The following PTPRT variants were observed in gnomAD, a reference collection of about 807,000 sequenced individuals.
The protein encoded by PTPRT is protein tyrosine phosphatase receptor type T.
A neutral mutation model predicts 176.8 loss-of-function variants in PTPRT; 56 were observed. That is an observed-to-expected ratio of 0.32 (90% CI 0.26 to 0.40). The LOEUF is 0.40. PTPRT is among the 10% of genes least tolerant of loss of function. PTPRT has a pLI of 1.00. For missense variants in PTPRT, 1,540 were observed against 1,908.2 expected, an observed-to-expected ratio of 0.81 and a Z score of 3.60; for synonymous variants, 783 against 739.0, an observed-to-expected ratio of 1.06 and a Z score of -0.96.
intron 1 of PTPRT, among the ~76,000 whole-genome samples, chr20:42,908,189 T>C (rs206663): frequency 0.082 from 12,466 of 151,938 alleles, 1,495 homozygotes; most frequent in African/African-American, 0.26. Flanking sequence ...GACACTGATG[T>C]CCAGCCCACG....
At chr20:42,651,158 T>A (rs2075023235) in intron 7 of PTPRT, among the ~76,000 whole-genome samples, 1 of 152,166 alleles carries the variant, frequency 6.6e-6, no homozygotes, top group Admixed American at 6.5e-5. Context: ...GAATTTGGTA[T>A]ATATTATTGT....
intron 1 of PTPRT, among the ~76,000 whole-genome samples, chr20:42,973,381 TGTCACCTC>T (rs1982767618): frequency 6.6e-6 from 1 of 152,168 alleles, no homozygotes; most frequent in Admixed American, 6.6e-5. Flanking sequence ...TCAGCTCAAA[TGTCACCTC>T]CCCAGAGGAA....
At chr20:42,193,140 A>G (rs1355683772) in intron 16 of PTPRT, among the ~76,000 whole-genome samples, 1 of 152,254 alleles carries the variant, frequency 6.6e-6, no homozygotes, top group African/African-American at 2.4e-5. Context: ...TATGACTTCA[A>G]GAAGATCTTT....
At chr20:42,439,127 G>A (rs946341076) in intron 9 of PTPRT, among the ~76,000 whole-genome samples, 1 of 152,190 alleles carries the variant, frequency 6.6e-6, no homozygotes, top group African/African-American at 2.4e-5. Flanking sequence ...CATTTTTCAA[G>A]TTTCTGGAGG....
chr20:42,476,130 G>C (rs66783845), intron 7 of PTPRT, among the ~76,000 whole-genome samples: 44,228 of 152,136 alleles, frequency 0.29, 6,592 homozygotes, highest in East Asian at 0.43. Context: ...ACTGTAAAGA[G>C]AGAGAAAATT....
chr20:42,476,466 G>A (rs1238701893), intron 7 of PTPRT, among the ~76,000 whole-genome samples: 3 of 152,158 alleles, frequency 2.0e-5, no homozygotes, highest in Non-Finnish European at 2.9e-5. Context: ...GGTTGAGGTC[G>A]GCATGCCTTG....
intron 7 of PTPRT, among the ~76,000 whole-genome samples, chr20:42,591,329 C>A (rs2073570961): frequency 6.6e-6 from 1 of 152,086 alleles, no homozygotes; most frequent in Non-Finnish European, 1.5e-5. Flanking sequence ...AAGATAGGTA[C>A]AATGTCAACC....
At chr20:42,996,089 T>G (rs1355744661) in intron 1 of PTPRT, among the ~76,000 whole-genome samples, 2 of 152,180 alleles carry the variant, frequency 1.3e-5, no homozygotes, top group Non-Finnish European at 2.9e-5. Context: ...CTGCATGTCA[T>G]GGTAGAACAC....
At chr20:42,701,028 C>G (rs537474890) in intron 6 of PTPRT, among the ~76,000 whole-genome samples, 7 of 152,258 alleles carry the variant, frequency 4.6e-5, no homozygotes, top group Admixed American at 1.3e-4. Context: ...AGGCTACATA[C>G]AGCAGACATA....
chr20:43,124,932 C>T (rs1203617204), intron 1 of PTPRT, among the ~76,000 whole-genome samples: 1 of 151,884 alleles, frequency 6.6e-6, no homozygotes, highest in East Asian at 1.9e-4. Context: ...AAGCATTGTC[C>T]TAATTTTATG....
At chr20:42,716,059 T>C (rs1037150671) in intron 6 of PTPRT, among the ~76,000 whole-genome samples, 11 of 152,180 alleles carry the variant, frequency 7.2e-5, no homozygotes, top group African/African-American at 2.7e-4. Flanking sequence ...TGCACTTCTG[T>C]TGTAAGAATC....
intron 6 of PTPRT, among the ~76,000 whole-genome samples, chr20:42,727,763 C>G (rs1451288556): frequency 6.6e-6 from 1 of 152,214 alleles, no homozygotes; most frequent in African/African-American, 2.4e-5. Context: ...TTACTAATGA[C>G]ACATTTGACC....
chr20:42,125,526 CAGA>C (rs1219481538), intron 19 of PTPRT, among the ~76,000 whole-genome samples: 1 of 152,168 alleles, frequency 6.6e-6, no homozygotes, highest in African/African-American at 2.4e-5. Context: ...CTATTACAGA[CAGA>C]AGAAGAAGGT....
chr20:42,189,541 T>C (rs570242660), intron 16 of PTPRT, among the ~76,000 whole-genome samples: 2 of 152,320 alleles, frequency 1.3e-5, no homozygotes, highest in African/African-American at 4.8e-5. Flanking sequence ...GCTACTCCCA[T>C]AACCAGGAGA....
chr20:42,527,879 T>C (rs2072306899), intron 7 of PTPRT, among the ~76,000 whole-genome samples: 1 of 152,260 alleles, frequency 6.6e-6, no homozygotes, highest in Non-Finnish European at 1.5e-5. Flanking sequence ...TCTGGCTCCA[T>C]AGAACTACCA....
chr20:42,328,962 AAC>A (rs1450157970), intron 11 of PTPRT, among the ~76,000 whole-genome samples: 1 of 152,164 alleles, frequency 6.6e-6, no homozygotes, highest in African/African-American at 2.4e-5. Context: ...AGATGAAGAA[AAC>A]ACACACACCA....
intron 1 of PTPRT, among the ~76,000 whole-genome samples, chr20:43,069,784 C>T (rs2011156532): frequency 6.6e-6 from 1 of 152,100 alleles, no homozygotes; most frequent in Non-Finnish European, 1.5e-5. Context: ...TTCTTGGGAG[C>T]CGTACTAATG....
At chr20:42,111,105 G>T (rs778674185) in intron 22 of PTPRT, among the ~76,000 whole-genome samples, 2 of 152,096 alleles carry the variant, frequency 1.3e-5, no homozygotes, top group Non-Finnish European at 2.9e-5. Context: ...AGCTCTGAGC[G>T]GTTCCCCTCC....
intron 7 of PTPRT, among the ~76,000 whole-genome samples, chr20:42,655,010 TC>T (rs1290361841): frequency 6.6e-6 from 1 of 152,190 alleles, no homozygotes; most frequent in Non-Finnish European, 1.5e-5. Flanking sequence ...ATTCAATGGA[TC>T]CAATCATATC....
Sources: allele counts gnomAD v4.1 joint callset (sites outside exome capture counted in the v4.1 genomes callset), GRCh38; gene constraint gnomAD v4.1.1; transcripts MANE v1.5; gene names NCBI Gene and HGNC (gene_info 2026-07-23, HGNC 2026-07-21).